Variants in FAM178B observed in about 807,000 individuals in gnomAD.
FAM178B encodes protein FAM178B.
In FAM178B, 82 loss-of-function variants were observed where a neutral mutation model predicts 91.7. The observed-to-expected ratio is 0.89, with a 90% confidence interval of 0.75 to 1.07. The LOEUF (loss-of-function observed/expected upper bound fraction) is 1.07. Among genes scored for constraint, FAM178B ranks in the 50% least tolerant of loss-of-function variants. The pLI is 0.00. For synonymous variants in FAM178B, 368 were observed against 359.4 expected, an observed-to-expected ratio of 1.02 and a Z score of -0.27; for missense variants, 769 against 846.7, an observed-to-expected ratio of 0.91 and a Z score of 1.14.
intron 9 of FAM178B, among the ~76,000 whole-genome samples, chr2:96,926,473 C>A (rs892389160): frequency 6.6e-6 from 1 of 152,200 alleles, no homozygotes; most frequent in African/African-American, 2.4e-5. Flanking sequence ...CTAAAGACCT[C>A]CTTTGTGCTC....
At chr2:96,961,249 C>T (rs148696552) in intron 5 of FAM178B, among the ~76,000 whole-genome samples, 23 of 152,114 alleles carry the variant, frequency 1.5e-4, no homozygotes, top group Admixed American at 5.2e-4. Flanking sequence ...TGAGCTAAAT[C>T]TACATAAAGA....
chr2:96,969,512 C>T (rs920326275), intron 4 of FAM178B, among the ~76,000 whole-genome samples: 7 of 152,196 alleles, frequency 4.6e-5, no homozygotes, highest in African/African-American at 1.4e-4. Flanking sequence ...CCAGTGTGTG[C>T]CATCCTGTTA....
chr2:96,930,210 CAAAAAAAAAAAAAAAAAAAA>C (rs60102987), intron 8 of FAM178B, among the ~76,000 whole-genome samples: 6 of 39,462 alleles, frequency 1.5e-4, no homozygotes, highest in African/African-American at 2.7e-4. Context: ...TCCGTCTCTC[CAAAAAAAAAAAAAAAAAAAA>C]AAAAAAAAAA....
chr2:96,977,333 C>T (rs1161023426), intron 1 of FAM178B, among the ~76,000 whole-genome samples: 1 of 142,288 alleles, frequency 7.0e-6, no homozygotes, highest in Non-Finnish European at 1.5e-5. Flanking sequence ...TGCAGTGAGC[C>T]GAGATCACAC....
In FAM178B at chr2:96,929,613, G is replaced by A. The variant is rs191312216; in HGVS notation, c.1079-293C>T. ...GCCATCCACATCAGGCAGTAGTCAG[G>A]GTGCTCGGCTGCCCACAGCCAAGTG... On this transcript the variant is annotated intron_variant, in intron 8 of 16. Coordinates refer to ENST00000490605, the MANE Select transcript of FAM178B (RefSeq NM_001122646.3). Among the ~76,000 whole-genome samples the A allele has an allele frequency of 2.7e-3, 413 of 152,336 alleles. 2 individuals carry two copies. Among genetic ancestry groups the A allele is most frequent in the Admixed American group, 7.1e-3 (108 of 15,300 alleles).
At chr2:96,897,884 G>A (rs537462859) in intron 13 of FAM178B, 1 of 883,242 alleles carries the variant, frequency 1.1e-6, no homozygotes, top group African/African-American at 1.8e-5. Flanking sequence ...CCGTAGCCTT[G>A]AGGCTCTGGC....
Position 96,893,971 on chromosome 2 carries a change from G to A in FAM178B, c.1731C>T (p.Pro577=). 6.2e-7 allele frequency: 1 copy of A among 1,612,966 alleles called. No individual in the cohort carries two copies. The highest frequency in any genetic ancestry group is 1.1e-5 in the South Asian group (1 of 91,058). ...RQYLDSVPLP[P]CQEQQPKASA... ...TAGCCTTTGGCTGTTGCTCCTGGCA[G>A]GGTGGCAAGGGCACAGAGTCCAGGT... Residue 577 remains proline, a synonymous_variant, in exon 14 of 17, where the codon CCC becomes CCT. Transcript: ENST00000490605.
chr2:96,920,203 G>A (rs970849612), intron 12 of FAM178B, among the ~76,000 whole-genome samples: 8 of 152,240 alleles, frequency 5.3e-5, no homozygotes, highest in African/African-American at 1.9e-4. Context: ...TAAGACCGTA[G>A]CCAAAAGTGG....
At chr2:96,945,490 C>T (rs1181623542) in intron 8 of FAM178B, among the ~76,000 whole-genome samples, 1 of 152,168 alleles carries the variant, frequency 6.6e-6, no homozygotes, top group African/African-American at 2.4e-5. Context: ...GAAGTTTACA[C>T]ACAAACAAAT....
chr2:96,951,540 G>A (rs2081928424), intron 6 of FAM178B, 56 bp from the exon 7 acceptor site: 24 of 1,349,746 alleles, frequency 1.8e-5, no homozygotes, highest in Middle Eastern at 1.8e-4. Context: ...CACTTGTCTC[G>A]GTGACACCGC....
chr2:96,956,798 G>C (rs1403418544), intron 6 of FAM178B: 1 of 152,184 alleles, frequency 6.6e-6, no homozygotes, highest in Non-Finnish European at 1.5e-5. Flanking sequence ...GCATGTTCAG[G>C]GTGGCATGGC....
At chr2:96,950,210 C>T (rs889780732) in intron 7 of FAM178B, 6 of 977,112 alleles carry the variant, frequency 6.1e-6, no homozygotes, top group African/African-American at 1.8e-5. Flanking sequence ...TCCCAATGCT[C>T]GATTGTGTGT....
intron 1 of FAM178B, 86 bp from the exon 2 acceptor site, chr2:96,972,692 T>C (rs1050930456): frequency 9.2e-6 from 12 of 1,300,764 alleles, no homozygotes; most frequent in Non-Finnish European, 1.3e-5. Context: ...GAGGAGGGCC[T>C]GGGCCCACTG....
At chr2:96,972,917 A>C (rs1435743116) in intron 1 of FAM178B, among the ~76,000 whole-genome samples, 1 of 151,858 alleles carries the variant, frequency 6.6e-6, no homozygotes, top group East Asian at 2.0e-4. Flanking sequence ...TCCTGGGTTC[A>C]AGCGATTCTC....
intron 9 of FAM178B, among the ~76,000 whole-genome samples, chr2:96,924,083 T>C (rs557529132): frequency 6.6e-6 from 1 of 152,306 alleles, no homozygotes; most frequent in African/African-American, 2.4e-5. Flanking sequence ...TACAGAACTA[T>C]GTGAACTCTA....
intron 1 of FAM178B, among the ~76,000 whole-genome samples, chr2:96,973,086 T>C (rs138709869): frequency 0.012 from 1,769 of 151,256 alleles, 47 homozygotes; most frequent in African/African-American, 0.041. Context: ...GCGTGTGCCT[T>C]AGTCTCAGCT....
At chr2:96,888,472 A>G (rs1207864405) in intron 14 of FAM178B, among the ~76,000 whole-genome samples, 1 of 152,212 alleles carries the variant, frequency 6.6e-6, no homozygotes, top group African/African-American at 2.4e-5. Flanking sequence ...AGGGGAACAC[A>G]TGTCCCATTG....
intron 1 of FAM178B, among the ~76,000 whole-genome samples, chr2:96,983,223 C>T (rs762262729): frequency 6.6e-6 from 1 of 151,962 alleles, no homozygotes; most frequent in Non-Finnish European, 1.5e-5. Flanking sequence ...TTTTTATGTA[C>T]ATATGTGTAC....
chr2:96,897,909 C>T (rs2080854262), intron 13 of FAM178B: 2 of 978,572 alleles, frequency 2.0e-6, no homozygotes, highest in South Asian at 9.5e-5. Context: ...TGAGCCTCCA[C>T]TTGCCTGTGT....
Sources: allele counts gnomAD v4.1 joint callset (sites outside exome capture counted in the v4.1 genomes callset), GRCh38; gene constraint gnomAD v4.1.1; transcripts MANE v1.5; gene names NCBI Gene and HGNC (gene_info 2026-07-23, HGNC 2026-07-21).